The following CDYL variants were observed in gnomAD, a reference collection of about 807,000 sequenced individuals.
CDYL encodes the protein chromodomain Y like.
In CDYL, 8 loss-of-function variants were observed where a neutral mutation model predicts 47.3. That is an observed-to-expected ratio of 0.17 (90% CI 0.10 to 0.31). The LOEUF (loss-of-function observed/expected upper bound fraction) is 0.31. Ranked by LOEUF, CDYL falls within the 10% of genes least tolerant of loss-of-function variation. The pLI is 1.00. For synonymous variants in CDYL, 266 were observed against 265.0 expected (o/e 1.00, Z -0.04); for missense variants, 471 against 701.4 (o/e 0.67, Z 3.71).
intron 1 of CDYL, among the ~76,000 whole-genome samples, chr6:4,709,036 A>G (rs1757098330): frequency 6.6e-6 from 1 of 152,104 alleles, no homozygotes; most frequent in Non-Finnish European, 1.5e-5. Context: ...AAAATAAAAT[A>G]TTGTTAACTT....
At chr6:4,884,195 G>A (rs760273847) in intron 1 of CDYL, among the ~76,000 whole-genome samples, 1 of 152,234 alleles carries the variant, frequency 6.6e-6, no homozygotes, top group Non-Finnish European at 1.5e-5. Context: ...TATTATCCGT[G>A]TCAGTGGCCC....
chr6:4,920,995 C>G (rs199737326), intron 2 of CDYL, among the ~76,000 whole-genome samples: 2 of 150,676 alleles, frequency 1.3e-5, no homozygotes, highest in Non-Finnish European at 3.0e-5. Context: ...CATGATACAT[C>G]TGTGTGTGTG....
intron 3 of CDYL, among the ~76,000 whole-genome samples, chr6:4,755,100 C>T (rs1758055222): frequency 1.3e-5 from 2 of 151,988 alleles, no homozygotes; most frequent in African/African-American, 4.8e-5. Context: ...CCTCTTGTCA[C>T]CTAGGCTGGA....
chr6:4,942,849 C>T (rs1282843685), intron 4 of CDYL, among the ~76,000 whole-genome samples: 1 of 152,214 alleles, frequency 6.6e-6, no homozygotes, highest in East Asian at 1.9e-4. Flanking sequence ...GCCGTACCCT[C>T]CAGCCCTCAG....
intron 2 of CDYL, among the ~76,000 whole-genome samples, chr6:4,902,236 TAA>T (rs60097630): frequency 7.1e-6 from 1 of 141,438 alleles, no homozygotes. Flanking sequence ...CTGTCTCTAC[TAA>T]AAAAAAAAAA....
At chr6:4,913,896 C>G (rs1446868380) in intron 2 of CDYL, among the ~76,000 whole-genome samples, 1 of 152,250 alleles carries the variant, frequency 6.6e-6, no homozygotes, top group Non-Finnish European at 1.5e-5. Flanking sequence ...TTGGCGGAGC[C>G]CGGGTCTAGC....
At chr6:4,903,823 A>AAGCAGGCAGCTTTAAAAAG (rs1757143830) in intron 2 of CDYL, among the ~76,000 whole-genome samples, 1 of 152,096 alleles carries the variant, frequency 6.6e-6, no homozygotes, top group Admixed American at 6.5e-5. Flanking sequence ...CATCTTTTTA[A>AAGCAGGCAGCTTTAAAAAG]AGCTTGCTTT....
chr6:4,711,572 G>GT (rs1409163321), intron 1 of CDYL, among the ~76,000 whole-genome samples: 1 of 152,120 alleles, frequency 6.6e-6, no homozygotes, highest in Non-Finnish European at 1.5e-5. Context: ...AGATGCTGGG[G>GT]TTTTTTTCTG....
intron 2 of CDYL, among the ~76,000 whole-genome samples, chr6:4,916,719 G>T (rs1358511878): frequency 1.3e-5 from 2 of 152,202 alleles, no homozygotes; most frequent in African/African-American, 4.8e-5. Flanking sequence ...AGCCTGTGAG[G>T]ACAGAGGCAT....
chr6:4,750,465 G>C (rs1757970281), intron 3 of CDYL, among the ~76,000 whole-genome samples: 1 of 151,814 alleles, frequency 6.6e-6, no homozygotes, highest in Non-Finnish European at 1.5e-5. Flanking sequence ...GCCTCCCAAA[G>C]TGCTGGGATT....
At chr6:4,712,883 G>A (rs1757177384) in intron 1 of CDYL, among the ~76,000 whole-genome samples, 1 of 152,248 alleles carries the variant, frequency 6.6e-6, no homozygotes, top group African/African-American at 2.4e-5. Flanking sequence ...CCTGGGCACT[G>A]TGGATGTGGC....
At chr6:4,858,124 G>A (rs1057015739) in intron 1 of CDYL, among the ~76,000 whole-genome samples, 10 of 151,820 alleles carry the variant, frequency 6.6e-5, no homozygotes, top group African/African-American at 2.4e-4. Context: ...GTTCAACTAG[G>A]AGCCTTGTTC....
rs373951493 is a variant in CDYL at position 4,837,557 on chromosome 6, C to T, written c.25-54156C>T. 1.3e-4 allele frequency among the ~76,000 whole-genome samples: 20 copies of T among 150,824 alleles called. 1 individual carries two copies. Among genetic ancestry groups the T allele is most frequent in the African/African-American group, 3.4e-4 (14 of 41,086 alleles). ...TTGGCTCAGTGCAACCTCCACCTCC[C>T]GGGTTCAAGCGATTCTCCTGCCTCA... is the stretch of plus-strand genomic sequence containing the variant. On this transcript the variant is annotated intron_variant, in intron 1 of 6. Transcript: ENST00000397588.
intron 1 of CDYL, among the ~76,000 whole-genome samples, chr6:4,790,307 T>C (rs1049610259): frequency 3.9e-5 from 6 of 152,236 alleles, no homozygotes; most frequent in African/African-American, 1.4e-4. Flanking sequence ...CTTAATACTA[T>C]GTGTAAGTGA....
chr6:4,738,739 T>C (rs187404094), intron 3 of CDYL, among the ~76,000 whole-genome samples: 35 of 152,366 alleles, frequency 2.3e-4, no homozygotes, highest in Non-Finnish European at 2.9e-4. Context: ...TGTTGCTCTA[T>C]AGTAGAGATT....
chr6:4,788,480 C>CCAAAAAAAAAAAAA (rs1758820985), intron 1 of CDYL, among the ~76,000 whole-genome samples: 13 of 61,064 alleles, frequency 2.1e-4, no homozygotes, highest in African/African-American at 9.6e-4. Context: ...GAGACTCTGT[C>CCAAAAAAAAAAAAA]AAAAAAAAAA....
rs182825740 is a variant in CDYL, at chr6:4,741,323, T to C, written c.186+6479T>C. On this transcript the variant is annotated intron_variant, in intron 3 of 8. Coordinates refer to the CDYL transcript ENST00000328908. The stretch of plus-strand genomic sequence containing the variant: ...TCTTAAAGTTCAATTGGCCAAATCA[T>C]GCATGAAGAGGCTACCAGTCATGGT... Among the ~76,000 whole-genome samples, 25 of 152,294 alleles carry C rather than the reference T, an allele frequency of 1.6e-4. No homozygotes were observed. In the East Asian group the frequency reaches 4.8e-3, roughly 29 times the overall value.
intron 1 of CDYL, among the ~76,000 whole-genome samples, chr6:4,840,573 T>TTA (rs1760457890): frequency 2.0e-5 from 3 of 152,204 alleles, no homozygotes; most frequent in Non-Finnish European, 4.4e-5. Context: ...TTATGTCCCT[T>TTA]CTATGCTGAT....
At chr6:4,860,143 C>T (rs996061864) in intron 1 of CDYL, among the ~76,000 whole-genome samples, 11 of 152,008 alleles carry the variant, frequency 7.2e-5, no homozygotes, top group Admixed American at 3.9e-4. Context: ...CCTCGTGATC[C>T]GCCCGCCTCG....
Sources: allele counts gnomAD v4.1 joint callset (sites outside exome capture counted in the v4.1 genomes callset), GRCh38; gene constraint gnomAD v4.1.1; transcripts MANE v1.5; gene names NCBI Gene and HGNC (gene_info 2026-07-23, HGNC 2026-07-21).